Variants in TAFA2 observed in about 807,000 individuals in gnomAD.
TAFA2 encodes chemokine-like protein TAFA-2.
In TAFA2, 7 loss-of-function variants were observed where a neutral mutation model predicts 18.8. That is an observed-to-expected ratio of 0.37 (90% CI 0.21 to 0.70). The LOEUF (loss-of-function observed/expected upper bound fraction) is 0.70, where lower values mean the gene tolerates loss of function less well. Among genes scored for constraint, TAFA2 ranks in the 30% least tolerant of loss-of-function variants. The pLI is 0.53. For synonymous variants in TAFA2, 60 were observed against 54.2 expected, an observed-to-expected ratio of 1.11 and a Z score of -0.47; for missense variants, 122 against 158.1, an observed-to-expected ratio of 0.77 and a Z score of 1.23.
At chr12:61,771,318 TCATCAAGA>T (rs763155285) in intron 2 of TAFA2, among the ~76,000 whole-genome samples, 1 of 151,956 alleles carries the variant, frequency 6.6e-6, no homozygotes, top group Non-Finnish European at 1.5e-5. Flanking sequence ...ACTAGACAGG[TCATCAAGA>T]CAGAAAGCCA....
intron 1 of TAFA2, among the ~76,000 whole-genome samples, chr12:61,962,799 T>C (rs906520769): frequency 4.6e-5 from 7 of 152,016 alleles, no homozygotes; most frequent in Non-Finnish European, 1.0e-4. Context: ...GTGCAGAACA[T>C]GCAGGTTTGT....
chr12:61,900,639 T>C (rs756922469), intron 1 of TAFA2, among the ~76,000 whole-genome samples: 1 of 152,110 alleles, frequency 6.6e-6, no homozygotes, highest in Non-Finnish European at 1.5e-5. Flanking sequence ...GTGACTATCA[T>C]GAGAACAGCA....
At chr12:61,925,673 A>G (rs1371399643) in intron 1 of TAFA2, among the ~76,000 whole-genome samples, 1 of 152,194 alleles carries the variant, frequency 6.6e-6, no homozygotes, top group African/African-American at 2.4e-5. Context: ...TGAAATTGAC[A>G]CCAGAATCTC....
rs143560736 is a variant in TAFA2, at chr12:61,979,209, A to G, written c.-1-111783T>C. Among the ~76,000 whole-genome samples, 335 of 152,224 alleles carry G rather than the reference A, an allele frequency of 2.2e-3. 2 individuals carry two copies. Among genetic ancestry groups the G allele is most frequent in the African/African-American group, 7.6e-3 (316 of 41,548 alleles). ...CAGTTACTTTGTAATTGTGCAGTAC[A>G]TTGTCTAATTACCCTGCCACTGCAT... is the stretch of plus-strand genomic sequence containing the variant. On this transcript the variant is annotated intron_variant, in intron 1 of 4. Transcript: ENST00000416284.
chr12:61,816,328 T>G (rs1490757121), intron 2 of TAFA2, among the ~76,000 whole-genome samples: 1 of 151,442 alleles, frequency 6.6e-6, no homozygotes, highest in Admixed American at 6.6e-5. Context: ...TCCAGCTCCA[T>G]CCATGTTCCT....
chr12:61,912,591 G>C (rs184584397), intron 1 of TAFA2, among the ~76,000 whole-genome samples: 1 of 152,082 alleles, frequency 6.6e-6, no homozygotes, highest in Non-Finnish European at 1.5e-5. Context: ...ATATTCATGA[G>C]AGAGAAGAAA....
intron 1 of TAFA2, among the ~76,000 whole-genome samples, chr12:61,869,053 T>C (rs572268852): frequency 4.6e-5 from 7 of 152,292 alleles, no homozygotes; most frequent in African/African-American, 7.2e-5. Context: ...GAGTCATTTG[T>C]ATATGTTTGA....
At chr12:62,099,242 T>G (rs1869082414) in intron 1 of TAFA2, among the ~76,000 whole-genome samples, 1 of 151,900 alleles carries the variant, frequency 6.6e-6, no homozygotes, top group Admixed American at 6.6e-5. Flanking sequence ...TATATAATAA[T>G]GACAAGAAGC....
intron 1 of TAFA2, among the ~76,000 whole-genome samples, chr12:62,256,472 C>G (rs867390612): frequency 1.1e-4 from 16 of 152,152 alleles, no homozygotes; most frequent in African/African-American, 3.9e-4. Flanking sequence ...TTTCCTTCAC[C>G]CATTTACATT....
chr12:62,119,079 A>T (rs1237394207), intron 1 of TAFA2, among the ~76,000 whole-genome samples: 1 of 152,178 alleles, frequency 6.6e-6, no homozygotes, highest in African/African-American at 2.4e-5. Flanking sequence ...TTTGATACTT[A>T]AATCCTTAAT....
intron 1 of TAFA2, among the ~76,000 whole-genome samples, chr12:62,020,164 G>A (rs756648581): frequency 9.9e-5 from 15 of 152,122 alleles, no homozygotes; most frequent in Non-Finnish European, 1.6e-4. Context: ...CAAATGCCAA[G>A]TTCTATACTG....
At chr12:61,980,118 T>C (rs1879578514) in intron 1 of TAFA2, among the ~76,000 whole-genome samples, 1 of 152,108 alleles carries the variant, frequency 6.6e-6, no homozygotes, top group Non-Finnish European at 1.5e-5. Flanking sequence ...CCCATAGAAA[T>C]GTATCCCTGG....
chr12:62,075,379 C>T (rs1185138254), intron 1 of TAFA2, among the ~76,000 whole-genome samples: 2 of 152,150 alleles, frequency 1.3e-5, no homozygotes, highest in Non-Finnish European at 2.9e-5. Flanking sequence ...TCCCCAGGCT[C>T]TTTTGCAGTT....
In TAFA2 at chr12:62,234,567, A is replaced by G. The variant is rs1203688450; in HGVS notation, c.-130+24196T>C. On this transcript the variant is annotated intron_variant, in intron 1 of 5. Transcript: ENST00000551619. ...CCCACGTATGTCATCTACGCTCATT[A>G]GAACGGAAGAAAGACCATAAACACC... is the stretch of plus-strand genomic sequence containing the variant. The G allele has an allele frequency of 7.2e-6, 6 of 830,154 alleles. No homozygotes were observed. The African/African-American group carries it at 1.0e-4, about 14-fold the overall frequency. 51.4% of individuals were successfully genotyped at this position (830,154 alleles called of 1,614,324 possible).
At chr12:61,872,484 G>T (rs1411368759) in intron 1 of TAFA2, among the ~76,000 whole-genome samples, 2 of 152,036 alleles carry the variant, frequency 1.3e-5, no homozygotes, top group Admixed American at 6.5e-5. Flanking sequence ...GAACCAGAAT[G>T]ATCATTATAA....
chr12:62,005,398 C>T (rs1366355467), intron 1 of TAFA2, among the ~76,000 whole-genome samples: 1 of 152,016 alleles, frequency 6.6e-6, no homozygotes, highest in Non-Finnish European at 1.5e-5. Flanking sequence ...CCTTCCATTT[C>T]CAATGAGATC....
chr12:61,868,633 G>T (rs1874459102), intron 1 of TAFA2, among the ~76,000 whole-genome samples: 1 of 152,026 alleles, frequency 6.6e-6, no homozygotes, highest in African/African-American at 2.4e-5. Context: ...GGTAGAACAG[G>T]TGGCTATACA....
rs1189324026 is a variant in TAFA2 at position 62,244,878 on chromosome 12, C to T, written c.-130+13885G>A. On this transcript the variant is annotated intron_variant, in intron 1 of 5. Transcript: ENST00000551619. ...TCTCCTTTTTGGTAAATTTATCTAT[C>T]TTTTGCCTATTTCTCTTTGTTTATT... 3.9e-5 allele frequency among the ~76,000 whole-genome samples: 6 copies of T among 152,064 alleles called. No individual in the cohort carries two copies. The South Asian group carries it at 8.3e-4, about 21-fold the overall frequency.
upstream of TAFA2, chr12:62,259,059 TA>T (rs1273877069): frequency 6.5e-6 from 1 of 154,148 alleles, no homozygotes. Context: ...ATAATGCCAA[TA>T]TACACTACTT....
Sources: allele counts gnomAD v4.1 joint callset (sites outside exome capture counted in the v4.1 genomes callset), GRCh38; gene constraint gnomAD v4.1.1; transcripts MANE v1.5; gene names NCBI Gene and HGNC (gene_info 2026-07-23, HGNC 2026-07-21).